Variants in CERS4 observed in about 807,000 individuals in gnomAD.
CERS4 encodes the protein LAG1 homolog, ceramide synthase 4.
A neutral mutation model predicts 51.8 loss-of-function variants in CERS4; 65 were observed. That is an observed-to-expected ratio of 1.26 (90% CI 1.03 to 1.54). The LOEUF (loss-of-function observed/expected upper bound fraction) is 1.54. Among genes scored for constraint, CERS4 ranks in the 40% most tolerant of loss-of-function variants. The pLI, the probability that CERS4 is intolerant of heterozygous loss-of-function variation, is 0.00. For missense variants in CERS4, 563 were observed against 500.4 expected, an observed-to-expected ratio of 1.13 and a Z score of -1.19; for synonymous variants, 228 against 208.4, an observed-to-expected ratio of 1.09 and a Z score of -0.81.
intron 2 of CERS4, among the ~76,000 whole-genome samples, chr19:8,241,190 A>G (rs1456314545): frequency 6.6e-6 from 1 of 152,134 alleles, no homozygotes; most frequent in Admixed American, 6.6e-5. Flanking sequence ...AGATGCTGGA[A>G]ACCGTCCTAA....
At chr19:8,242,837 TCAG>T (rs1370143848) in intron 2 of CERS4, among the ~76,000 whole-genome samples, 1 of 152,086 alleles carries the variant, frequency 6.6e-6, no homozygotes, top group Admixed American at 6.6e-5. Context: ...GCTGGGCACA[TCAG>T]CAGAGGCAAG....
At chr19:8,256,500 C>A in intron 7 of CERS4, 118 bp from the exon 8 acceptor site, 1 of 1,067,264 alleles carries the variant, frequency 9.4e-7, no homozygotes, top group Non-Finnish European at 1.4e-6. Flanking sequence ...GGATGGGGAG[C>A]TCACTCATTG....
chr19:8,260,768 G>A (rs982045754), intron 10 of CERS4, among the ~76,000 whole-genome samples: 3 of 151,082 alleles, frequency 2.0e-5, no homozygotes, highest in African/African-American at 4.8e-5. Flanking sequence ...TGGCCAACAT[G>A]GCAAAAACCA....
At chr19:8,258,821 GAC>G (rs1050272970) in intron 10 of CERS4, among the ~76,000 whole-genome samples, 4 of 151,756 alleles carry the variant, frequency 2.6e-5, no homozygotes, top group Admixed American at 2.6e-4. Flanking sequence ...CAGCCTGGGT[GAC>G]AGAGGGAGAC....
At chr19:8,259,758 T>G (rs999245007) in intron 10 of CERS4, among the ~76,000 whole-genome samples, 2 of 152,006 alleles carry the variant, frequency 1.3e-5, no homozygotes, top group Admixed American at 1.3e-4. Flanking sequence ...AGTCTGGGCT[T>G]CTGGGGAAAG....
intron 3 of CERS4, among the ~76,000 whole-genome samples, chr19:8,251,928 ATT>A (rs1047304015): frequency 6.6e-6 from 1 of 151,272 alleles, no homozygotes; most frequent in South Asian, 2.1e-4. Context: ...CTTAAAAAAA[ATT>A]TTTTTTTGAA....
At chr19:8,225,720 G>C (rs923847166) in intron 2 of CERS4, among the ~76,000 whole-genome samples, 2 of 150,764 alleles carry the variant, frequency 1.3e-5, no homozygotes, top group African/African-American at 4.9e-5. Context: ...CACCGTACCC[G>C]GCCGTGTTTT....
intron 3 of CERS4, among the ~76,000 whole-genome samples, 176 bp from the exon 4 acceptor site, chr19:8,254,323 A>AAAAAAAAAC (rs1969253745): frequency 2.7e-5 from 1 of 37,372 alleles, no homozygotes; most frequent in African/African-American, 1.0e-4. Flanking sequence ...ACTCTGTCTC[A>AAAAAAAAAC]AAAAAAAAAA....
In CERS4 at chr19:8,258,928, G is replaced by A. The variant is rs998241440; in HGVS notation, c.848+943G>A. Among the ~76,000 whole-genome samples, 3 of 151,984 alleles carry A rather than the reference G, an allele frequency of 2.0e-5. No homozygotes were observed. The East Asian group carries it at 5.8e-4, about 29-fold the overall frequency. On this transcript the variant is annotated intron_variant, in intron 10 of 11. Transcript: ENST00000251363. ...GTGGCTGGATCACCTGAGGTCAGGA[G>A]ATCGAGACCACTTTGGCCAACACAG...
At chr19:8,248,660 T>C (rs1023387034) in intron 2 of CERS4, among the ~76,000 whole-genome samples, 13 of 151,048 alleles carry the variant, frequency 8.6e-5, no homozygotes, top group Admixed American at 7.3e-4. Context: ...GGATGATGGG[T>C]GGGTGGACAG....
chr19:8,236,766 C>G (rs58589648), intron 2 of CERS4, among the ~76,000 whole-genome samples: 65 of 150,940 alleles, frequency 4.3e-4, no homozygotes, highest in African/African-American at 1.3e-3. Flanking sequence ...CTTTGGGAGG[C>G]TAAGGCAGAT....
intron 2 of CERS4, among the ~76,000 whole-genome samples, chr19:8,235,479 G>A (rs945048641): frequency 1.3e-5 from 2 of 151,348 alleles, no homozygotes; most frequent in African/African-American, 2.4e-5. Flanking sequence ...GGTGGCTAAT[G>A]CCTATAATCC....
At chr19:8,247,008 A>G (rs753207677) in intron 2 of CERS4, among the ~76,000 whole-genome samples, 2 of 152,130 alleles carry the variant, frequency 1.3e-5, no homozygotes, top group African/African-American at 2.4e-5. Flanking sequence ...TCTACTAAAA[A>G]TATAAAAATT....
chr19:8,251,750 G>A (rs544404283), intron 3 of CERS4, among the ~76,000 whole-genome samples: 2 of 151,766 alleles, frequency 1.3e-5, no homozygotes, highest in East Asian at 3.9e-4. Flanking sequence ...GTTGCAGTGA[G>A]CCAAGATTGT....
At chr19:8,261,651 G>C in intron 10 of CERS4, 37 bp from the exon 11 acceptor site, 1 of 1,612,308 alleles carries the variant, frequency 6.2e-7, no homozygotes, top group African/African-American at 1.3e-5. Flanking sequence ...ACAGCGGCTG[G>C]TCAAACCCCA....
chr19:8,219,500 A>C (rs539976662), intron 2 of CERS4, among the ~76,000 whole-genome samples: 1 of 152,230 alleles, frequency 6.6e-6, no homozygotes, highest in South Asian at 2.1e-4. Flanking sequence ...CCCTATCTCT[A>C]TAAAAAATAT....
chr19:8,249,587 A>ATTTTTTTTTTTTTTTTTTTTTTTTTTTT (rs869119452), intron 2 of CERS4, among the ~76,000 whole-genome samples: 2 of 91,380 alleles, frequency 2.2e-5, no homozygotes, highest in Non-Finnish European at 2.0e-5. Flanking sequence ...GGAACTCTGG[A>ATTTTTTTTTTTTTTTTTTTTTTTTTTTT]TTTTTTTTTT....
chr19:8,250,353 A>G (rs1969013073), intron 2 of CERS4, among the ~76,000 whole-genome samples: 1 of 152,184 alleles, frequency 6.6e-6, no homozygotes, highest in Non-Finnish European at 1.5e-5. Context: ...GTGCAGAGTA[A>G]TAACTACTAT....
chr19:8,217,543 T>G (rs1031876305), intron 2 of CERS4, among the ~76,000 whole-genome samples: 8 of 150,678 alleles, frequency 5.3e-5, no homozygotes, highest in Admixed American at 5.3e-4. Context: ...TAATGTTTTT[T>G]TTTTTTTTTT....
Sources: allele counts gnomAD v4.1 joint callset (sites outside exome capture counted in the v4.1 genomes callset), GRCh38; gene constraint gnomAD v4.1.1; transcripts MANE v1.5; gene names NCBI Gene and HGNC (gene_info 2026-07-23, HGNC 2026-07-21).